Variants in DLEC1 observed in about 807,000 individuals in gnomAD.
DLEC1 encodes the protein DLEC1 cilia and flagella associated protein, also known as deleted in lung and esophageal cancer protein 1.
A neutral mutation model predicts 198.1 loss-of-function variants in DLEC1; 146 were observed. That is an observed-to-expected ratio of 0.74 (90% CI 0.64 to 0.85). The LOEUF is 0.85. DLEC1 is among the 40% of genes least tolerant of loss of function. DLEC1 has a pLI of 0.00. For missense variants in DLEC1, 2,233 were observed against 2,220.0 expected (o/e 1.01, Z -0.12); for synonymous variants, 897 against 866.8 (o/e 1.03, Z -0.61).
chr3:38,098,569 A>C (rs1009917253), intron 18 of DLEC1, among the ~76,000 whole-genome samples: 1 of 152,118 alleles, frequency 6.6e-6, no homozygotes, highest in Non-Finnish European at 1.5e-5. Context: ...GGTGGACTGC[A>C]CATGTGAGAC....
chr3:38,099,486 G>T (rs774999911), intron 18 of DLEC1, among the ~76,000 whole-genome samples: 4 of 152,172 alleles, frequency 2.6e-5, no homozygotes, highest in Non-Finnish European at 5.9e-5. Flanking sequence ...CAAAAATAAT[G>T]TTGGGATTTG....
intron 10 of DLEC1, among the ~76,000 whole-genome samples, chr3:38,091,532 C>G (rs1016269694): frequency 6.6e-6 from 1 of 151,908 alleles, no homozygotes; most frequent in South Asian, 2.1e-4. Context: ...TTACCTCAAA[C>G]GAAAAAGCTT....
rs771992387 is a variant in DLEC1, at chr3:38,086,364, CACT to C, written c.1561_1563del (p.Leu521del). The stretch of plus-strand genomic sequence containing the variant: ...ATTATGCCCAAAACAAGCTGGCCAC[CACT>C]AAGTTTCAAGGTGAGTGATCACAGG... On this transcript the variant is annotated inframe_deletion, in exon 9 of 37. Coordinates refer to ENST00000308059, the MANE Select transcript of DLEC1 (RefSeq NM_007335.4). 6.2e-7 allele frequency: 1 copy of C among 1,608,118 alleles called. No homozygotes were observed. Among genetic ancestry groups the C allele is most frequent in the Non-Finnish European group, 8.5e-7 (1 of 1,177,342 alleles).
In DLEC1 at chr3:38,107,448, C is replaced by A. The variant is rs115710624; in HGVS notation, c.2865-136C>A. 8.0e-3 allele frequency: 6,953 copies of A among 871,326 alleles called. 56 individuals carry two copies. Among genetic ancestry groups the A allele is most frequent in the Non-Finnish European group, 8.7e-3 (5,366 of 614,966 alleles). 54.0% of individuals were successfully genotyped at this position (871,326 alleles called of 1,614,324 possible). A position where few individuals can be genotyped will look rare whatever the true frequency, so the allele number is the denominator to read the frequency against. ...CTTATATCCTGAAACTTTGCCGAAC[C>A]CACTCATTAATTCTAGAGTTTCTAA... On this transcript the variant is annotated intron_variant, in intron 19 of 36. Coordinates refer to ENST00000308059, the MANE Select transcript of DLEC1 (RefSeq NM_007335.4).
chr3:38,049,693 C>T (rs999627586), intron 2 of DLEC1, among the ~76,000 whole-genome samples: 27 of 152,294 alleles, frequency 1.8e-4, no homozygotes, highest in Middle Eastern at 6.8e-3. Context: ...AGACACAGCA[C>T]CTAGCCACCC....
chr3:38,088,508 A>G (rs901434010), intron 10 of DLEC1, 120 bp downstream of exon 10: 54 of 874,676 alleles, frequency 6.2e-5, no homozygotes, highest in Non-Finnish European at 8.5e-5. Context: ...ACTTCTGGGT[A>G]GACGCATATT....
chr3:38,089,895 G>A (rs1408021292), intron 10 of DLEC1, among the ~76,000 whole-genome samples: 1 of 152,198 alleles, frequency 6.6e-6, no homozygotes, highest in Non-Finnish European at 1.5e-5. Flanking sequence ...ATTCAAAAGA[G>A]AGACTGGGTG....
intron 1 of DLEC1, among the ~76,000 whole-genome samples, chr3:38,044,203 G>A (rs1057154637): frequency 3.3e-5 from 5 of 151,910 alleles, no homozygotes; most frequent in Admixed American, 2.0e-4. Context: ...CTGTGATTGC[G>A]CCACTGTACT....
chr3:38,113,712 A>AATT (rs748246446), intron 25 of DLEC1, among the ~76,000 whole-genome samples: 22 of 151,950 alleles, frequency 1.4e-4, no homozygotes, highest in Non-Finnish European at 2.8e-4. Flanking sequence ...TAATAATAAT[A>AATT]ATCCTATATT....
At chr3:38,116,922 A>G (rs1490465865) in intron 29 of DLEC1, 33 bp downstream of exon 29, 6 of 1,612,154 alleles carry the variant, frequency 3.7e-6, no homozygotes, top group Non-Finnish European at 5.1e-6. Context: ...AGCTGTCTGC[A>G]TTGGCCGGCC....
chr3:38,053,955 C>T (rs1042308877), intron 2 of DLEC1, among the ~76,000 whole-genome samples: 4 of 152,058 alleles, frequency 2.6e-5, no homozygotes, highest in East Asian at 3.9e-4. Flanking sequence ...GGATTAAGGG[C>T]GGTGCAAGAT....
At chr3:38,092,712 C>T (rs965186032) in intron 10 of DLEC1, 78 bp from the exon 11 acceptor site, 8 of 1,291,820 alleles carry the variant, frequency 6.2e-6, no homozygotes, top group Middle Eastern at 2.0e-4. Context: ...GGTGTGTGTC[C>T]GAGAGGAGGA....
chr3:38,110,691 G>T (rs1699818475), intron 23 of DLEC1, among the ~76,000 whole-genome samples: 1 of 152,098 alleles, frequency 6.6e-6, no homozygotes. Flanking sequence ...AGTGAGATGG[G>T]GTGCCCCATA....
Position 38,062,592 on chromosome 3 carries a change from A to C in DLEC1, c.885A>C (p.Gln295His). 1 of 1,614,174 alleles carries C rather than the reference A, an allele frequency of 6.2e-7. No individual in the cohort carries two copies. The highest frequency in any genetic ancestry group is 8.5e-7 in the Non-Finnish European group (1 of 1,180,028). The stretch of plus-strand genomic sequence containing the variant: ...TGTATGTTTCAAAGAAAGCAAGTCA[A>C]CCAAGGAATAAAAACTGGATGAACC... The part of the protein sequence containing the change: ...RTREPLKKAS[Q>H]PRNKNWMNHL... Residue 295 changes from glutamine (Q) to histidine (H), a missense_variant, in exon 5 of 37, where the codon CAA becomes CAC. Physicochemically the swap from Gln to His is conservative, Grantham distance 24. Transcript: ENST00000308059.
At chr3:38,111,562 G>A (rs1393923026) in intron 23 of DLEC1, 115 bp from the exon 24 acceptor site, 2 of 1,095,136 alleles carry the variant, frequency 1.8e-6, no homozygotes, top group East Asian at 2.8e-5. Context: ...AGAGCAGGCA[G>A]GGCCACCTTC....
chr3:38,118,034 G>A lies in DLEC1; in HGVS notation c.4704+10G>A. The A allele has an allele frequency of 6.3e-7, 1 of 1,582,524 alleles. No homozygotes were observed. Reference sequence around the variant, plus strand: ...ACAGGAGAACATGCTGGTCAGTGGGGGAGTCTGCAGCCCTTGCCTCGATGG... The same window carrying A: ...ACAGGAGAACATGCTGGTCAGTGGGAGAGTCTGCAGCCCTTGCCTCGATGG... On this transcript the variant is annotated intron_variant, in intron 33 of 36. Coordinates refer to ENST00000308059, the MANE Select transcript of DLEC1 (RefSeq NM_007335.4).
At chr3:38,110,423 A>G (rs2125724117) in intron 23 of DLEC1, 142 bp downstream of exon 23, 2 of 1,065,076 alleles carry the variant, frequency 1.9e-6, no homozygotes, top group Non-Finnish European at 2.7e-6. Flanking sequence ...ACATGGGGAC[A>G]GGCAGAGAGG....
chr3:38,095,380 A>G (rs1698958338), intron 13 of DLEC1: 1 of 400,766 alleles, frequency 2.5e-6, no homozygotes, highest in Non-Finnish European at 4.7e-6. Context: ...ATACCACAGC[A>G]TCCCCTAGAG....
intron 7 of DLEC1, 40 bp downstream of exon 7, chr3:38,084,285 ATAGTAGTGGTGGTATTAGTAGTAATAG>A: frequency 1.3e-6 from 2 of 1,550,294 alleles, no homozygotes; most frequent in Non-Finnish European, 1.8e-6. Flanking sequence ...AGTAGTGGTA[ATAGTAGTGGTGGTATTAGTAGTAATAG>A]TAGTAGTGGT....
Sources: allele counts gnomAD v4.1 joint callset (sites outside exome capture counted in the v4.1 genomes callset), GRCh38; gene constraint gnomAD v4.1.1; transcripts MANE v1.5; gene names NCBI Gene and HGNC (gene_info 2026-07-23, HGNC 2026-07-21).